The following IL1RAPL1 variants were observed in gnomAD, a reference collection of about 807,000 sequenced individuals.
IL1RAPL1 encodes interleukin 1 receptor accessory protein like 1.
In IL1RAPL1, 3 loss-of-function variants were observed where a neutral mutation model predicts 48.4. That is an observed-to-expected ratio of 0.06 (90% CI 0.03 to 0.16). IL1RAPL1 has a LOEUF of 0.16. Among genes scored for constraint, IL1RAPL1 ranks in the 10% least tolerant of loss-of-function variants. The probability of loss-of-function intolerance (pLI) is 1.00; values close to 1 mark genes in which losing one functional copy is unlikely to be tolerated. For synonymous variants in IL1RAPL1, 185 were observed against 187.7 expected, an observed-to-expected ratio of 0.99 and a Z score of 0.12; for missense variants, 349 against 530.6, an observed-to-expected ratio of 0.66 and a Z score of 3.36.
chrX:29,813,536 T>C (rs1056247950), intron 6 of IL1RAPL1, among the ~76,000 whole-genome samples: 6 of 112,039 alleles, frequency 5.4e-5, no homozygotes, highest in African/African-American at 1.9e-4. Flanking sequence ...TCATCCATGA[T>C]GCATTTTCTT....
At chrX:28,619,107 A>C (rs1240463540) in intron 1 of IL1RAPL1, among the ~76,000 whole-genome samples, 1 of 112,343 alleles carries the variant, frequency 8.9e-6, no homozygotes, top group African/African-American at 3.2e-5. Context: ...TTATGTATCC[A>C]ATTTTAACAG....
At chrX:29,440,054 C>G (rs918734349) in intron 5 of IL1RAPL1, among the ~76,000 whole-genome samples, 43 of 106,013 alleles carry the variant, frequency 4.1e-4, no homozygotes, top group African/African-American at 1.3e-3. Flanking sequence ...CATTTGTCAT[C>G]AATTTTTGGA....
At chrX:29,032,745 A>G (rs1186236469) in intron 2 of IL1RAPL1, among the ~76,000 whole-genome samples, 3 of 26,534 alleles carry the variant, frequency 1.1e-4, no homozygotes, top group Non-Finnish European at 1.9e-4. Context: ...GTGGGCATGC[A>G]CACACACACA....
At chrX:29,522,904 C>G (rs761011450) in intron 5 of IL1RAPL1, among the ~76,000 whole-genome samples, 2 of 111,143 alleles carry the variant, frequency 1.8e-5, no homozygotes, top group Non-Finnish European at 3.8e-5. Context: ...CTCTCTCTCT[C>G]ATCTGTGTTC....
At chrX:29,757,718 A>G (rs1426683223) in intron 6 of IL1RAPL1, among the ~76,000 whole-genome samples, 1 of 112,122 alleles carries the variant, frequency 8.9e-6, no homozygotes, top group Admixed American at 9.5e-5. Flanking sequence ...ATTAAAATGT[A>G]GAGTCAATTA....
chrX:29,636,836 C>G (rs776064006), intron 5 of IL1RAPL1, among the ~76,000 whole-genome samples: 3 of 111,179 alleles, frequency 2.7e-5, no homozygotes, highest in South Asian at 7.6e-4. Flanking sequence ...GTCAGGAGTT[C>G]GAGACCAGCC....
At chrX:28,852,461 G>C (rs978625510) in intron 2 of IL1RAPL1, among the ~76,000 whole-genome samples, 2 of 110,081 alleles carry the variant, frequency 1.8e-5, no homozygotes, top group Non-Finnish European at 3.8e-5. Context: ...CAGCAGCTTT[G>C]ATTCACTTCC....
intron 5 of IL1RAPL1, among the ~76,000 whole-genome samples, chrX:29,628,376 C>T (rs375036851): frequency 2.8e-3 from 310 of 111,757 alleles, no homozygotes; most frequent in African/African-American, 9.5e-3. Flanking sequence ...TTGGTGAATG[C>T]GTGACACTGA....
intron 2 of IL1RAPL1, among the ~76,000 whole-genome samples, chrX:29,164,609 AAAGTCT>A (rs747332988): frequency 6.3e-5 from 7 of 111,750 alleles, no homozygotes; most frequent in Non-Finnish European, 1.1e-4. Context: ...CTTTGAAATC[AAAGTCT>A]AAGTCTAAAT....
intron 2 of IL1RAPL1, among the ~76,000 whole-genome samples, chrX:28,992,505 A>G (rs902535731): frequency 9.2e-6 from 1 of 108,875 alleles, no homozygotes; most frequent in African/African-American, 3.4e-5. Flanking sequence ...AAAAAAAGAA[A>G]AAAAAAAAAA....
chrX:29,407,325 T>A (rs927509161), intron 5 of IL1RAPL1, among the ~76,000 whole-genome samples: 8 of 111,945 alleles, frequency 7.1e-5, no homozygotes, highest in Admixed American at 1.9e-4. Flanking sequence ...GCTGATAGTG[T>A]ATGACAAAGC....
chrX:28,817,433 C>A (rs1194284207), intron 2 of IL1RAPL1, among the ~76,000 whole-genome samples: 1 of 110,684 alleles, frequency 9.0e-6, no homozygotes, highest in Non-Finnish European at 1.9e-5. Context: ...TATACAGAAG[C>A]TACCATGCTG....
chrX:28,963,990 CTA>C (rs1924855243), intron 2 of IL1RAPL1, among the ~76,000 whole-genome samples: 1 of 111,364 alleles, frequency 9.0e-6, no homozygotes, highest in African/African-American at 3.3e-5. Context: ...AAATTATACT[CTA>C]TATTGTTTTC....
chrX:28,825,189 A>G (rs1352181468), intron 2 of IL1RAPL1, among the ~76,000 whole-genome samples: 5 of 111,916 alleles, frequency 4.5e-5, no homozygotes, highest in African/African-American at 1.6e-4. Flanking sequence ...TGAGAACTTG[A>G]TATACAGCAG....
intron 2 of IL1RAPL1, among the ~76,000 whole-genome samples, chrX:28,980,388 C>G (rs1022260495): frequency 8.9e-6 from 1 of 112,552 alleles, no homozygotes; most frequent in African/African-American, 3.2e-5. Flanking sequence ...TCAAGTCAAA[C>G]GTCTGTTAAC....
intron 1 of IL1RAPL1, among the ~76,000 whole-genome samples, chrX:28,779,634 G>GTA (rs1183080798): frequency 0.04 from 1,513 of 38,048 alleles, 28 homozygotes; most frequent in Non-Finnish European, 0.051. Flanking sequence ...GTGTGTGTGT[G>GTA]TATATATATA....
At chrX:29,183,576 C>A (rs4021448) in intron 2 of IL1RAPL1, among the ~76,000 whole-genome samples, 1,334 of 112,310 alleles carry the variant, frequency 0.012, 54 homozygotes, top group Admixed American at 0.11. Context: ...GTGGTACAAA[C>A]TGTCATCCCC....
At chrX:29,715,940 A>G (rs1208743383) in intron 6 of IL1RAPL1, among the ~76,000 whole-genome samples, 1 of 112,289 alleles carries the variant, frequency 8.9e-6, no homozygotes, top group Non-Finnish European at 1.9e-5. Context: ...GTACAATTAT[A>G]GCAGCATGAT....
chrX:28,913,872 TAATC>T (rs1157778507), intron 2 of IL1RAPL1, among the ~76,000 whole-genome samples: 2 of 111,327 alleles, frequency 1.8e-5, no homozygotes, highest in South Asian at 3.8e-4. Context: ...AAAATAGTGA[TAATC>T]AAAGCATTTA....
Sources: gnomAD v4.1 joint callset for allele counts (sites outside exome capture counted in the v4.1 genomes callset) on GRCh38, gnomAD v4.1.1 for gene constraint, MANE v1.5 for transcripts, NCBI Gene and HGNC (gene_info 2026-07-23, HGNC 2026-07-21) for gene names.